The following PTRH1 variants were observed in gnomAD, a reference collection of about 807,000 sequenced individuals.
The protein encoded by PTRH1 is peptidyl-tRNA hydrolase.
PTRH1 carries 13 observed loss-of-function variants against 15.7 expected under a neutral mutation model. The observed-to-expected ratio is 0.83, with a 90% CI of 0.54 to 1.31. PTRH1 has a LOEUF of 1.31. PTRH1 is among the 40% of genes most tolerant of loss of function. The probability of loss-of-function intolerance (pLI) is 0.00; values close to 1 mark genes in which losing one functional copy is unlikely to be tolerated. For synonymous variants in PTRH1, 139 were observed against 136.7 expected, an observed-to-expected ratio of 1.02 and a Z score of -0.12; for missense variants, 319 against 296.2, an observed-to-expected ratio of 1.08 and a Z score of -0.56.
At chr9:127,699,255 G>A (rs1337554991) in intron 1 of PTRH1, among the ~76,000 whole-genome samples, 1 of 152,180 alleles carries the variant, frequency 6.6e-6, no homozygotes, top group Non-Finnish European at 1.5e-5. Flanking sequence ...GGCAAGGGTG[G>A]GACTCCACCC....
chr9:127,701,592 G>A (rs1784481873), intron 1 of PTRH1, among the ~76,000 whole-genome samples: 1 of 152,146 alleles, frequency 6.6e-6, no homozygotes, highest in African/African-American at 2.4e-5. Flanking sequence ...CTGGTAAAGT[G>A]CCCAATCTAC....
intron 1 of PTRH1, among the ~76,000 whole-genome samples, chr9:127,704,111 G>T (rs1199083034): frequency 6.6e-6 from 1 of 152,204 alleles, no homozygotes; most frequent in East Asian, 1.9e-4. Flanking sequence ...GAGCTGGGGG[G>T]TTAGGGGGAG....
At chr9:127,712,803 C>G (rs1485213824), downstream of PTRH1, 32 of 1,614,190 alleles carry the variant, frequency 2.0e-5, no homozygotes, top group Non-Finnish European at 2.5e-5. Flanking sequence ...CTCAGCTCCA[C>G]TGTGGCCACG....
At position 127,714,670 on chromosome 9, in the gene PTRH1, A is replaced by T; in HGVS notation, c.349T>A (p.Tyr117Asn). 1 of 1,613,802 alleles carries T rather than the reference A, an allele frequency of 6.2e-7. No individual in the cohort carries two copies. The highest frequency in any genetic ancestry group is 1.3e-5 in the African/African-American group (1 of 75,030). ...TTGTCCAGCTCATCATGCACCAGGT[A>T]GACTTCCTCGGCAGTCAGCCCAAAC... ...ELFGLTAEEV[Y>N]LVHDELDKPL... The change falls in exon 3 of 5, where the codon TAC (tyrosine) becomes AAC (asparagine). Residue 117 changes from tyrosine to asparagine, a missense_variant. By Grantham distance (143) the Tyr-to-Asn change is moderately radical. Coordinates refer to ENST00000543175, the MANE Select transcript of PTRH1 (RefSeq NM_001002913.3).
At chr9:127,707,200 G>C in intron 1 of PTRH1, 1 of 1,608,494 alleles carries the variant, frequency 6.2e-7, no homozygotes, top group Non-Finnish European at 8.5e-7. Flanking sequence ...CCGGTGCGTG[G>C]GCTGGCGGGC....
chr9:127,714,805 T>C, intron 2 of PTRH1, 103 bp from the exon 3 acceptor site: 1 of 1,144,968 alleles, frequency 8.7e-7, no homozygotes, highest in East Asian at 2.6e-5. Flanking sequence ...ACTTCACATA[T>C]AAAGAAACTG....
In PTRH1 at chr9:127,705,533, C is replaced by T. The variant is rs1842638033; in HGVS notation, c.205+9902G>A. ...CCAAGCTGACACCCTCTGTGGGCTCCAGGCTGCCCGAGGGGCTGTGGGCCC... is the reference window on the plus strand; with the variant it reads ...CCAAGCTGACACCCTCTGTGGGCTCTAGGCTGCCCGAGGGGCTGTGGGCCC... On this transcript the variant is annotated intron_variant, in intron 1 of 2. Transcript: ENST00000335223. This position sits in a 1 kb window ranked among gnomAD's most constrained non-coding sequence, Gnocchi z 4.7. Among the ~76,000 whole-genome samples, 1 of 152,244 alleles carries T rather than the reference C, an allele frequency of 6.6e-6. No individual in the cohort carries two copies. The highest frequency in any genetic ancestry group is 6.5e-5 in the Admixed American group (1 of 15,284).
Position 127,714,112 on chromosome 9 carries a change from T to C in PTRH1, c.633A>G (p.Ser211=). ...DHIRERSQGP[S]LGP is the part of the protein sequence containing the mutation. Reference sequence around the variant, plus strand: ...ATGGCCACTAGTGTCACGGCCCCAGTGAGGGCCCCTGGCTTCGCTCACGGA... The same window carrying C: ...ATGGCCACTAGTGTCACGGCCCCAGCGAGGGCCCCTGGCTTCGCTCACGGA... The change falls in exon 5 of 5, where the codon TCA becomes TCG. Residue 211 remains serine (S), a synonymous_variant. Transcript: ENST00000543175. 6.2e-7 allele frequency: 1 copy of C among 1,612,966 alleles called. No individual in the cohort carries two copies. The highest frequency in any genetic ancestry group is 8.5e-7 in the Non-Finnish European group (1 of 1,179,754).
intron 1 of PTRH1, among the ~76,000 whole-genome samples, chr9:127,700,556 C>T (rs939804981): frequency 4.6e-5 from 7 of 152,138 alleles, no homozygotes; most frequent in African/African-American, 1.7e-4. Flanking sequence ...CTCCGTTTTA[C>T]AGTTTAGAAA....
chr9:127,714,733 C>T (rs909600301), intron 2 of PTRH1, 31 bp from the exon 3 acceptor site: 2 of 1,541,886 alleles, frequency 1.3e-6, no homozygotes, highest in African/African-American at 1.4e-5. Flanking sequence ...GCCCTGGTTA[C>T]TGCCCATCTG....
chr9:127,714,918 G>GGGGGCCCCCCCCCCCCCCCCC, intron 2 of PTRH1, 57 bp downstream of exon 2: 1 of 398,848 alleles, frequency 2.5e-6, no homozygotes, highest in Non-Finnish European at 4.5e-6. Context: ...TCTGGCCCCC[G>GGGGGCCCCCCCCCCCCCCCCC]CGCCCCAACC....
downstream of PTRH1, chr9:127,712,952 C>T (rs1277591471): frequency 6.3e-7 from 1 of 1,592,186 alleles, no homozygotes; most frequent in East Asian, 2.3e-5. Flanking sequence ...GGGGACAGTG[C>T]TCGGCTCACC....
chr9:127,710,621 G>A, downstream of PTRH1: 1 of 1,585,578 alleles, frequency 6.3e-7, no homozygotes, highest in Non-Finnish European at 8.6e-7. Context: ...GGCAGCCCTG[G>A]AGGAGTTCCG....
exon 2 of PTRH1, chr9:127,695,089 A>ATGATGG (rs771830457): frequency 1.4e-6 from 1 of 701,112 alleles, no homozygotes; most frequent in African/African-American, 1.8e-5. Context: ...GATGATGATG[A>ATGATGG]TGATGGTGAT....
In PTRH1 at chr9:127,713,860, G is replaced by A; in HGVS notation, c.*240C>T. 1 of 1,613,960 alleles carries A rather than the reference G, an allele frequency of 6.2e-7. No homozygotes were observed. Among genetic ancestry groups the A allele is most frequent in the Non-Finnish European group, 8.5e-7 (1 of 1,180,024 alleles). ...TGCGTGCCCCTGGTTCTCTAAAAAGGCTTGAAAAGTTTAGTCTTCCTGAAG... is the reference window on the plus strand; with the variant it reads ...TGCGTGCCCCTGGTTCTCTAAAAAGACTTGAAAAGTTTAGTCTTCCTGAAG... On this transcript the variant is annotated 3_prime_UTR_variant, in exon 5 of 5. Coordinates refer to ENST00000543175, the MANE Select transcript of PTRH1 (RefSeq NM_001002913.3).
At chr9:127,714,941 G>GGGCCCCCCCCCCC in intron 2 of PTRH1, 34 bp downstream of exon 2, 1 of 446,382 alleles carries the variant, frequency 2.2e-6, no homozygotes, top group Non-Finnish European at 4.1e-6. Context: ...CACCCCCTTG[G>GGGCCCCCCCCCCC]CCCGCCCGCC....
At chr9:127,701,277 A>AT (rs1203253500) in intron 1 of PTRH1, among the ~76,000 whole-genome samples, 5 of 151,978 alleles carry the variant, frequency 3.3e-5, no homozygotes, top group Admixed American at 6.6e-5. Flanking sequence ...AAATCATGTG[A>AT]TTTTTTTCAA....
Position 127,715,593 on chromosome 9 carries a change from G to C in PTRH1, c.47C>G (p.Ala16Gly). The C allele has an allele frequency of 1.9e-6, 3 of 1,613,126 alleles. No homozygotes were observed. Among genetic ancestry groups the C allele is most frequent in the Non-Finnish European group, 2.5e-6 (3 of 1,180,024 alleles). ...AGGCTCCAAAACACATCGGCTCATG[G>C]CTCTACTCAGCCGCTGTCCGGCGCC... The part of the protein sequence containing the change: ...FLGAGQRLSR[A>G]MSRCVLEPRP... The change falls in exon 1 of 5, where the codon GCC becomes GGC. Residue 16 changes from alanine to glycine, a missense_variant. Coordinates refer to ENST00000543175, the MANE Select transcript of PTRH1 (RefSeq NM_001002913.3). This position sits in a 1 kb window ranked among gnomAD's most constrained non-coding sequence, Gnocchi z 5.8.
chr9:127,710,787 G>A (rs1449712192), downstream of PTRH1: 2 of 1,551,508 alleles, frequency 1.3e-6, no homozygotes, highest in South Asian at 1.2e-5. Flanking sequence ...GGGGCCTTTG[G>A]AGGCTTCATC....
Sources: gnomAD v4.1 joint callset for allele counts (sites outside exome capture counted in the v4.1 genomes callset) on GRCh38, gnomAD v4.1.1 for gene constraint, Gnocchi (gnomAD v3.1) non-coding constraint, MANE v1.5 for transcripts, NCBI Gene and HGNC (gene_info 2026-07-23, HGNC 2026-07-21) for gene names.